The following BEND6 variants were observed in gnomAD, a reference collection of about 807,000 sequenced individuals.
The protein encoded by BEND6 is BEN domain containing 6.
Under a neutral mutation model 31.8 loss-of-function variants are expected in BEND6, and 24 were observed. The ratio of observed to expected loss-of-function variants is 0.75; its 90% CI spans 0.55 to 1.06. BEND6 has a LOEUF of 1.06. Among genes scored for constraint, BEND6 ranks in the 50% least tolerant of loss-of-function variants. The pLI is 0.00. For missense variants in BEND6, 294 were observed against 327.4 expected, an observed-to-expected ratio of 0.90 and a Z score of 0.79; for synonymous variants, 109 against 114.6, an observed-to-expected ratio of 0.95 and a Z score of 0.31.
rs149248292 is a variant in BEND6, at chr6:56,977,862, C to T, written c.-100-3849C>T. On this transcript the variant is annotated intron_variant, in intron 1 of 6. Transcript: ENST00000370746. ...GTCCCAGCTATTAGGGAAGCCAAGACGGGAGGATCACTTGAGTCCAGGAGG... is the reference window on the plus strand; with the variant it reads ...GTCCCAGCTATTAGGGAAGCCAAGATGGGAGGATCACTTGAGTCCAGGAGG... Among the ~76,000 whole-genome samples, 26 of 152,232 alleles carry T rather than the reference C, an allele frequency of 1.7e-4. No homozygotes were observed. The East Asian group carries it at 2.1e-3, about 12-fold the overall frequency.
intron 6 of BEND6, among the ~76,000 whole-genome samples, chr6:57,022,819 G>A (rs189882874): frequency 6.6e-6 from 1 of 151,934 alleles, no homozygotes; most frequent in Admixed American, 6.6e-5. Flanking sequence ...TATAGATTTG[G>A]GAATGTTGTA....
intron 5 of BEND6, among the ~76,000 whole-genome samples, chr6:57,017,604 A>T (rs1303514655): frequency 2.0e-5 from 3 of 152,182 alleles, no homozygotes; most frequent in African/African-American, 7.2e-5. Flanking sequence ...AATGAAACTA[A>T]GTTTTATATC....
intron 6 of BEND6, among the ~76,000 whole-genome samples, chr6:57,024,963 G>A (rs114107619): frequency 0.011 from 1,697 of 152,120 alleles, 13 homozygotes; most frequent in Middle Eastern, 0.027. Context: ...GATTTCACAG[G>A]TTATTTTCTC....
rs1036993100 is a variant in BEND6, at chr6:57,014,990, T to G, written c.299-143T>G. The G allele has an allele frequency of 3.3e-5, 20 of 602,722 alleles. 1 individual carries two copies. Among genetic ancestry groups the G allele is most frequent in the African/African-American group, 1.9e-4 (10 of 53,376 alleles). 37.3% of individuals were successfully genotyped at this position (602,722 alleles called of 1,614,324 possible). ...AAAGTAAATATGTTCCAAACACCTT[T>G]CCTGCCATGTTTATTTTCCAAAGAT... On this transcript the variant is annotated intron_variant, in intron 3 of 6. Transcript: ENST00000370746.
intron 1 of BEND6, among the ~76,000 whole-genome samples, chr6:56,968,336 T>G (rs1280528896): frequency 1.5e-5 from 2 of 135,400 alleles, no homozygotes; most frequent in East Asian, 4.1e-4. Flanking sequence ...TTTTTTTTTT[T>G]TTGAGACAGG....
intron 6 of BEND6, among the ~76,000 whole-genome samples, chr6:57,021,844 C>T (rs557329542): frequency 1.3e-5 from 2 of 152,142 alleles, no homozygotes; most frequent in Admixed American, 6.5e-5. Context: ...TGGTGGGGGG[C>T]GGCGGAGAGG....
At chr6:56,956,030 G>A (rs545539979) in intron 1 of BEND6, among the ~76,000 whole-genome samples, 2 of 152,236 alleles carry the variant, frequency 1.3e-5, no homozygotes, top group Admixed American at 1.3e-4. Context: ...GCCAGGAAGC[G>A]GCTGCTGCAG....
At chr6:56,996,682 T>G (rs1593003843) in intron 3 of BEND6, among the ~76,000 whole-genome samples, 1 of 152,230 alleles carries the variant, frequency 6.6e-6, no homozygotes, top group South Asian at 2.1e-4. Flanking sequence ...CCAGAAACTA[T>G]GATGTTATCT....
chr6:56,971,851 A>T (rs561331244), intron 1 of BEND6, among the ~76,000 whole-genome samples: 5 of 152,226 alleles, frequency 3.3e-5, no homozygotes, highest in African/African-American at 9.6e-5. Context: ...TGCGTTCTGG[A>T]TATTAATCTC....
chr6:56,989,133 A>G (rs1826397650), intron 2 of BEND6, among the ~76,000 whole-genome samples: 1 of 150,646 alleles, frequency 6.6e-6, no homozygotes, highest in African/African-American at 2.4e-5. Context: ...AATATATTAT[A>G]TATTATGGAT....
In BEND6 at chr6:57,015,390, A is replaced by G. The variant is rs772157573; in HGVS notation, c.519+37A>G. ...TACCCGCCTTATTGTTCTTTGGAAT[A>G]TGCTTAAATAAAAAATTTAAATAAG... On this transcript the variant is annotated intron_variant, in intron 4 of 6. Transcript: ENST00000370746. The G allele has an allele frequency of 9.8e-6, 15 of 1,524,178 alleles. No individual in the cohort carries two copies. In the South Asian group the frequency reaches 1.6e-4, roughly 17 times the overall value. 94.4% of individuals were successfully genotyped at this position (1,524,178 alleles called of 1,614,324 possible).
rs1554291000 is a variant in BEND6, at chr6:57,020,845, T to TTG, written c.*9+2289_*9+2290insGT. ...ATCCTAAACTCTTGTTTTTTTTTTT[T>TTG]TTTTTTTTTAATATTTCTGACTTCC... On this transcript the variant is annotated intron_variant, in intron 6 of 6. Coordinates refer to ENST00000370746, the MANE Select transcript of BEND6 (RefSeq NM_152731.3). Among the ~76,000 whole-genome samples, 1,101 of 151,530 alleles carry TTG rather than the reference T, an allele frequency of 7.3e-3. 10 individuals are homozygous for TTG. The highest frequency in any genetic ancestry group is 0.023 in the African/African-American group (948 of 41,318).
At chr6:56,983,256 AATTAACAT>A (rs1294671598) in intron 2 of BEND6, among the ~76,000 whole-genome samples, 1 of 152,220 alleles carries the variant, frequency 6.6e-6, no homozygotes, top group African/African-American at 2.4e-5. Flanking sequence ...TAGTGAAGCA[AATTAACAT>A]ATCCATCACT....
rs1230835704 is a variant in BEND6, at chr6:57,026,339, C to A, written c.*267C>A. 6.6e-6 allele frequency: 1 copy of A among 152,196 alleles called. No individual in the cohort carries two copies. The highest frequency in any genetic ancestry group is 1.9e-4 in the East Asian group (1 of 5,200). The allele number at this position is 152,196 out of a possible 1,614,324, so 9.4% of individuals were successfully genotyped here. A position where few individuals can be genotyped will look rare whatever the true frequency, so the allele number is the denominator to read the frequency against. On this transcript the variant is annotated 3_prime_UTR_variant, in exon 7 of 7. Transcript: ENST00000370746. Reference sequence around the variant, plus strand: ...GTCAAATAAGCATGCAATATGGTTTCTTTGGAAATAAGCATTTCCCAATCC... The same window carrying A: ...GTCAAATAAGCATGCAATATGGTTTATTTGGAAATAAGCATTTCCCAATCC...
chr6:56,985,783 C>T (rs1008542208), intron 2 of BEND6, among the ~76,000 whole-genome samples: 14 of 152,094 alleles, frequency 9.2e-5, no homozygotes, highest in African/African-American at 1.4e-4. Flanking sequence ...GTTTTCTGTT[C>T]GTTTTCTTGG....
chr6:56,980,844 T>C (rs1049882474), intron 1 of BEND6, among the ~76,000 whole-genome samples: 2 of 152,188 alleles, frequency 1.3e-5, no homozygotes, highest in South Asian at 2.1e-4. Context: ...TTTTATTATT[T>C]ATAATTAAAT....
At chr6:56,975,623 A>T in intron 1 of BEND6, 1 of 373,968 alleles carries the variant, frequency 2.7e-6, no homozygotes, top group South Asian at 2.7e-5. Context: ...CAGATAGCCC[A>T]GCAGTTTCAT....
intron 3 of BEND6, among the ~76,000 whole-genome samples, chr6:57,002,217 T>C (rs2127875195): frequency 6.6e-6 from 1 of 152,312 alleles, no homozygotes. Context: ...ATAAAACAAG[T>C]ACTTCTAGAC....
intron 1 of BEND6, among the ~76,000 whole-genome samples, chr6:56,964,048 T>C (rs1278108763): frequency 6.7e-6 from 1 of 148,398 alleles, no homozygotes; most frequent in Non-Finnish European, 1.5e-5. Flanking sequence ...ATAATTAATA[T>C]TAATTAATTT....
Sources: gnomAD v4.1 joint callset for allele counts (sites outside exome capture counted in the v4.1 genomes callset) on GRCh38, gnomAD v4.1.1 for gene constraint, MANE v1.5 for transcripts, NCBI Gene and HGNC (gene_info 2026-07-23, HGNC 2026-07-21) for gene names.